The following CACNA2D1 variants were observed in gnomAD, a reference collection of about 807,000 sequenced individuals.
CACNA2D1 encodes voltage-dependent calcium channel subunit alpha-2/delta-1.
A neutral mutation model predicts 171.5 loss-of-function variants in CACNA2D1; 53 were observed. The ratio of observed to expected loss-of-function variants is 0.31; its 90% CI spans 0.25 to 0.39. The LOEUF (loss-of-function observed/expected upper bound fraction) is 0.39. CACNA2D1 is among the 10% of genes least tolerant of loss of function. The pLI is 1.00. For synonymous variants in CACNA2D1, 442 were observed against 443.1 expected, an observed-to-expected ratio of 1.00 and a Z score of 0.03; for missense variants, 903 against 1,299.8, an observed-to-expected ratio of 0.69 and a Z score of 4.69.
chr7:82,248,984 G>A (rs575701174), intron 3 of CACNA2D1, among the ~76,000 whole-genome samples: 15 of 152,150 alleles, frequency 9.9e-5, no homozygotes, highest in African/African-American at 3.6e-4. Flanking sequence ...GGGCGTGGTG[G>A]CAGGCATCTG....
Position 82,111,444 on chromosome 7 carries a change from ATT to A in CACNA2D1, c.526+5598_526+5599del, listed in dbSNP as rs869125211. Among the ~76,000 whole-genome samples the A allele has an allele frequency of 3.8e-3, 266 of 69,946 alleles. 7 individuals carry two copies. The highest frequency in any genetic ancestry group is 8.7e-3 in the African/African-American group (128 of 14,740). 45.9% of individuals were successfully genotyped at this position (69,946 alleles called of 152,430 possible). ...TATATGTGTGTATATATATATATAT[ATT>A]TTTTTTTTTTTTTTTTTTTGAGACA... On this transcript the variant is annotated intron_variant, in intron 6 of 38. Transcript: ENST00000356860.
At chr7:81,958,809 G>C (rs1793743656) in intron 38 of CACNA2D1, among the ~76,000 whole-genome samples, 1 of 151,856 alleles carries the variant, frequency 6.6e-6, no homozygotes, top group Non-Finnish European at 1.5e-5. Context: ...AAAGAAACTA[G>C]AACTCTGTAA....
intron 1 of CACNA2D1, among the ~76,000 whole-genome samples, chr7:82,438,125 G>C (rs1311714417): frequency 6.6e-6 from 1 of 152,098 alleles, no homozygotes; most frequent in South Asian, 2.1e-4. Flanking sequence ...CAGGCTGCTT[G>C]TGTATGCAAT....
At chr7:82,015,949 G>T (rs1800390555) in intron 12 of CACNA2D1, among the ~76,000 whole-genome samples, 1 of 152,128 alleles carries the variant, frequency 6.6e-6, no homozygotes, top group Admixed American at 6.5e-5. Context: ...ATCCAGGTTT[G>T]CCTTAGCTGG....
At chr7:82,345,973 G>A (rs975454130) in intron 2 of CACNA2D1, among the ~76,000 whole-genome samples, 1 of 152,058 alleles carries the variant, frequency 6.6e-6, no homozygotes, top group African/African-American at 2.4e-5. Context: ...TGGGGCACAT[G>A]GCTGCTCAGA....
In CACNA2D1 at chr7:82,295,522, C is replaced by CT. The variant is rs71093372; in HGVS notation, c.294+39612dup. Among the ~76,000 whole-genome samples, 440 of 148,306 alleles carry CT rather than the reference C, an allele frequency of 3.0e-3. 2 individuals carry two copies. Among genetic ancestry groups the CT allele is most frequent in the Non-Finnish European group, 5.3e-3 (353 of 66,812 alleles). ...CTATACCTCGCTAATTTCTTTCTTT[C>CT]TTTTTTTTTTCTTTTAAGAGATGGG... On this transcript the variant is annotated intron_variant, in intron 3 of 38. Coordinates refer to ENST00000356860, the MANE Select transcript of CACNA2D1 (RefSeq NM_000722.4).
chr7:82,421,815 C>T (rs945697290), intron 1 of CACNA2D1, among the ~76,000 whole-genome samples: 12 of 152,302 alleles, frequency 7.9e-5, no homozygotes, highest in African/African-American at 2.4e-4. Flanking sequence ...GAGAAACACA[C>T]AGAATCTTAT....
intron 3 of CACNA2D1, among the ~76,000 whole-genome samples, chr7:82,232,741 A>G (rs1803090115): frequency 6.6e-6 from 1 of 151,538 alleles, no homozygotes; most frequent in African/African-American, 2.4e-5. Context: ...GCAGATGCCT[A>G]CAGTCCCATC....
chr7:82,126,704 T>TCA (rs1790369042), intron 5 of CACNA2D1, among the ~76,000 whole-genome samples: 1 of 152,178 alleles, frequency 6.6e-6, no homozygotes, highest in Non-Finnish European at 1.5e-5. Context: ...GAACTGAAAC[T>TCA]CACCAAATCA....
intron 6 of CACNA2D1, 110 bp from the exon 7 acceptor site, chr7:82,085,010 A>G: frequency 1.0e-6 from 1 of 975,492 alleles, no homozygotes; most frequent in Non-Finnish European, 1.6e-6. Context: ...CTACCTATAA[A>G]ATAACTCTAA....
chr7:81,984,734 A>G, intron 21 of CACNA2D1, 23 bp from the exon 22 acceptor site: 5 of 1,248,206 alleles, frequency 4.0e-6, no homozygotes, highest in Non-Finnish European at 5.8e-6. Flanking sequence ...CAAGAGAAGC[A>G]TAAACACAAA....
intron 7 of CACNA2D1, among the ~76,000 whole-genome samples, chr7:82,073,845 C>A (rs924578026): frequency 6.6e-6 from 1 of 152,102 alleles, no homozygotes; most frequent in Non-Finnish European, 1.5e-5. Context: ...AGGTGATCCG[C>A]CTGCCTCGGC....
At chr7:82,302,049 C>T (rs542551681) in intron 3 of CACNA2D1, among the ~76,000 whole-genome samples, 3 of 152,020 alleles carry the variant, frequency 2.0e-5, no homozygotes, top group Non-Finnish European at 2.9e-5. Context: ...CATGAGCCAC[C>T]GCCTGGCCTA....
chr7:82,255,163 C>A (rs755635901), intron 3 of CACNA2D1, among the ~76,000 whole-genome samples: 30 of 152,156 alleles, frequency 2.0e-4, no homozygotes, highest in Non-Finnish European at 2.9e-4. Context: ...CCCTCACTTG[C>A]TAAACAAAAG....
chr7:82,103,991 T>G (rs1263605518), intron 6 of CACNA2D1, among the ~76,000 whole-genome samples: 5 of 152,064 alleles, frequency 3.3e-5, no homozygotes, highest in African/African-American at 1.2e-4. Context: ...TAATTTCATA[T>G]TCAAATTTTC....
At chr7:82,141,438 C>T (rs970190500) in intron 4 of CACNA2D1, among the ~76,000 whole-genome samples, 4 of 152,096 alleles carry the variant, frequency 2.6e-5, no homozygotes, top group Non-Finnish European at 4.4e-5. Context: ...GAAAAAGTCT[C>T]AGCTGAATTC....
intron 1 of CACNA2D1, among the ~76,000 whole-genome samples, chr7:82,356,332 C>T (rs1820421035): frequency 6.6e-6 from 1 of 152,108 alleles, no homozygotes; most frequent in Non-Finnish European, 1.5e-5. Context: ...TCCTTTTCCA[C>T]ATTCTGCCTT....
intron 10 of CACNA2D1, chr7:82,050,273 G>A (rs1010584573): frequency 4.8e-5 from 14 of 290,552 alleles, no homozygotes; most frequent in Non-Finnish European, 9.1e-5. Context: ...TATAGCAGTT[G>A]TAAGCTAACA....
At chr7:82,141,193 T>C (rs892151100) in intron 4 of CACNA2D1, among the ~76,000 whole-genome samples, 6 of 152,124 alleles carry the variant, frequency 3.9e-5, no homozygotes, top group African/African-American at 1.2e-4. Flanking sequence ...CTAGGAGTTA[T>C]TCAAATCACT....
Sources: allele counts gnomAD v4.1 joint callset (sites outside exome capture counted in the v4.1 genomes callset), GRCh38; gene constraint gnomAD v4.1.1; transcripts MANE v1.5; gene names NCBI Gene and HGNC (gene_info 2026-07-23, HGNC 2026-07-21).